The following KBTBD11 variants were observed in gnomAD, a reference collection of about 807,000 sequenced individuals.
The protein encoded by KBTBD11 is kelch repeat and BTB domain-containing protein 11.
For missense variants in KBTBD11, 1,390 were observed against 1,001.8 expected, an observed-to-expected ratio of 1.39 and a Z score of -5.23; for synonymous variants, 747 against 499.0, an observed-to-expected ratio of 1.50 and a Z score of -6.63.
At position 1,996,034 on chromosome 8, in the gene KBTBD11, C is replaced by CA. The variant is rs537158269; in HGVS notation, c.-908-4248dup. 2.7e-3 allele frequency among the ~76,000 whole-genome samples: 413 copies of CA among 152,254 alleles called. 3 individuals are homozygous for CA. The highest frequency in any genetic ancestry group is 9.4e-3 in the African/African-American group (391 of 41,532). On this transcript the variant is annotated intron_variant, in intron 1 of 1. Coordinates refer to ENST00000320248, the MANE Select transcript of KBTBD11 (RefSeq NM_014867.3). ...GCAAGACCCTGTCTCAAAAAACAAA[C>CA]AAACAAAAATCCTGAGATTCCCTAC...
rs1028995095 is a variant in KBTBD11, at chr8:1,994,090, C to T, written c.-908-6195C>T. Among the ~76,000 whole-genome samples, 6 of 152,086 alleles carry T rather than the reference C, an allele frequency of 3.9e-5. No individual in the cohort carries two copies. The South Asian group carries it at 1.2e-3, about 31-fold the overall frequency. Reference sequence around the variant, plus strand: ...GCTCAATACTTCGTTTACCGGCCTACGGAGCTTAGACTTCAAGAATATCTA... The same window carrying T: ...GCTCAATACTTCGTTTACCGGCCTATGGAGCTTAGACTTCAAGAATATCTA... On this transcript the variant is annotated intron_variant, in intron 1 of 1. Transcript: ENST00000320248.
chr8:1,988,341 C>G (rs1345882385), intron 1 of KBTBD11, among the ~76,000 whole-genome samples: 2 of 152,208 alleles, frequency 1.3e-5, no homozygotes, highest in Non-Finnish European at 2.9e-5. Flanking sequence ...AGTTTACACT[C>G]CCACCAACAG....
intron 1 of KBTBD11, among the ~76,000 whole-genome samples, chr8:1,986,603 T>C (rs1046053249): frequency 2.6e-5 from 4 of 152,304 alleles, no homozygotes; most frequent in Admixed American, 6.5e-5. Flanking sequence ...GTAACTAAGT[T>C]ACTCAGCAGC....
At chr8:1,998,529 C>T (rs1817226123) in intron 1 of KBTBD11, among the ~76,000 whole-genome samples, 1 of 152,184 alleles carries the variant, frequency 6.6e-6, no homozygotes, top group Non-Finnish European at 1.5e-5. Flanking sequence ...AAAGATGACT[C>T]TCGGGATGGA....
chr8:1,974,066 A>C lies in KBTBD11; in HGVS notation c.-909+131A>C, dbSNP rs1330889460. 2.4e-4 allele frequency: 134 copies of C among 562,056 alleles called. 1 individual carries two copies. In the South Asian group the frequency reaches 2.6e-3, roughly 11 times the overall value. 34.8% of individuals were successfully genotyped at this position (562,056 alleles called of 1,614,324 possible). ...GCGGCAGTAGGCGGGAGGGGAGAAA[A>C]GGGGAGGCCGGCAGGGGAGAGGCGG... On this transcript the variant is annotated intron_variant, in intron 1 of 1. Transcript: ENST00000320248.
chr8:1,980,520 C>T (rs1816504995), intron 1 of KBTBD11, among the ~76,000 whole-genome samples: 1 of 152,208 alleles, frequency 6.6e-6, no homozygotes, highest in Non-Finnish European at 1.5e-5. Context: ...CCACCACACC[C>T]AGCCTTTAAT....
intron 1 of KBTBD11, among the ~76,000 whole-genome samples, chr8:1,986,927 C>T (rs1031571566): frequency 8.5e-5 from 12 of 141,638 alleles, no homozygotes; most frequent in African/African-American, 3.0e-4. Flanking sequence ...AATCTCAGCT[C>T]TTCAGGAGGC....
chr8:1,974,647 C>T, intron 1 of KBTBD11: 1 of 985,348 alleles, frequency 1.0e-6, no homozygotes, highest in Non-Finnish European at 1.2e-6. Flanking sequence ...TGCCGGGCGC[C>T]CCTTGCAGCC....
Position 2,001,059 on chromosome 8 carries a change from C to G in KBTBD11, c.-134C>G. ...CACACACACAACAACAAAGCGTGGA[C>G]ACACAGAAGTGAAATCTGATCGCGT... On this transcript the variant is annotated 5_prime_UTR_variant, in exon 2 of 2. Transcript: ENST00000320248. 8.6e-7 allele frequency: 1 copy of G among 1,165,480 alleles called. No homozygotes were observed. Among genetic ancestry groups the G allele is most frequent in the Non-Finnish European group, 1.1e-6 (1 of 919,104 alleles). 72.2% of individuals were successfully genotyped at this position (1,165,480 alleles called of 1,614,324 possible).
At chr8:1,981,692 G>T (rs1218538218) in intron 1 of KBTBD11, among the ~76,000 whole-genome samples, 2 of 152,180 alleles carry the variant, frequency 1.3e-5, no homozygotes, top group Non-Finnish European at 2.9e-5. Context: ...TTCTTTCTCT[G>T]CCTCTCCCAC....
chr8:1,994,901 A>T (rs887030673), intron 1 of KBTBD11, among the ~76,000 whole-genome samples: 1 of 152,136 alleles, frequency 6.6e-6, no homozygotes, highest in East Asian at 1.9e-4. Flanking sequence ...TCTACTAAAA[A>T]TACAAATACT....
intron 1 of KBTBD11, among the ~76,000 whole-genome samples, chr8:1,977,567 A>G (rs80159466): frequency 0.075 from 11,437 of 152,178 alleles, 1,452 homozygotes; most frequent in African/African-American, 0.26. Context: ...TCTGTCATCC[A>G]GGCTGGAATC....
chr8:2,002,896 G>A lies in KBTBD11; in HGVS notation c.1704G>A (p.Ala568=). The A allele has an allele frequency of 7.6e-7, 1 of 1,321,844 alleles. No individual in the cohort carries two copies. The highest frequency in any genetic ancestry group is 9.6e-7 in the Non-Finnish European group (1 of 1,039,990). 81.9% of individuals were successfully genotyped at this position (1,321,844 alleles called of 1,614,324 possible). A position where few individuals can be genotyped will look rare whatever the true frequency, so the allele number is the denominator to read the frequency against. Residue 568 remains alanine (A), a synonymous_variant, in exon 2 of 2, where the codon GCG becomes GCA. Transcript: ENST00000320248. This position sits in a 1 kb window ranked among gnomAD's most constrained non-coding sequence, Gnocchi z 4.1. ...GCGCCATCTACTGCGTGAGCCGCGC[G>A]GGCACCTGGCGCTTCCAGCCTGCCC... ...LDGAIYCVSR[A]GTWRFQPARE...
chr8:2,002,194 C>T lies in KBTBD11; in HGVS notation c.1002C>T (p.Ala334=), dbSNP rs1450942182. The T allele has an allele frequency of 2.4e-6, 3 of 1,252,010 alleles. No individual in the cohort carries two copies. Among genetic ancestry groups the T allele is most frequent in the Middle Eastern group, 3.1e-4 (1 of 3,184 alleles). The allele number at this position is 1,252,010 out of a possible 1,614,324, so 77.6% of individuals were successfully genotyped here. A position where few individuals can be genotyped will look rare whatever the true frequency, so the allele number is the denominator to read the frequency against. Residue 334 remains alanine, a synonymous_variant, in exon 2 of 2, where the codon GCC becomes GCT. Coordinates refer to ENST00000320248, the MANE Select transcript of KBTBD11 (RefSeq NM_014867.3). The surrounding 1 kb of genome is among the most constrained non-coding windows in gnomAD (Gnocchi z 4.1). The part of the protein sequence containing the change: ...DAAVYCFHAA[A]GEWRELTRLP... ...CCGTCTACTGCTTCCACGCGGCGGC[C>T]GGAGAGTGGCGCGAGCTGACGCGGC...
chr8:1,999,442 C>G (rs1315711840), intron 1 of KBTBD11, among the ~76,000 whole-genome samples: 2 of 152,174 alleles, frequency 1.3e-5, no homozygotes, highest in Non-Finnish European at 2.9e-5. Context: ...CTTTAGAAGG[C>G]CAGAATGAAG....
rs1310679504 is a variant in KBTBD11, at chr8:2,004,974, T to A, written c.*1910T>A. The A allele has an allele frequency of 6.0e-6, 1 of 167,120 alleles. No homozygotes were observed. The highest frequency in any genetic ancestry group is 6.5e-5 in the Admixed American group (1 of 15,284). 10.4% of individuals were successfully genotyped at this position (167,120 alleles called of 1,614,324 possible). ...TATTTTCAGTCCTTAAATATCAAAC[T>A]CATATGCTGTTATCACTGTGATTTT... On this transcript the variant is annotated 3_prime_UTR_variant, in exon 2 of 2. Transcript: ENST00000320248.
At chr8:1,992,302 C>T (rs1335889030) in intron 1 of KBTBD11, among the ~76,000 whole-genome samples, 2 of 152,118 alleles carry the variant, frequency 1.3e-5, no homozygotes, top group South Asian at 4.1e-4. Context: ...GTCACCTGCA[C>T]AGTTCCTGCA....
chr8:2,001,315 G>A lies in KBTBD11; in HGVS notation c.123G>A (p.Leu41=), dbSNP rs375293379. Residue 41 remains leucine (L), a synonymous_variant, in exon 2 of 2, where the codon CTG becomes CTA. Transcript: ENST00000320248. Reference sequence around the variant, plus strand: ...CACCCTGCAGTCTCGGCGCGTCCCTGTGCTTCAGCTCCGGGGAAGAGTCCC... The same window carrying A: ...CACCCTGCAGTCTCGGCGCGTCCCTATGCTTCAGCTCCGGGGAAGAGTCCC... ...AQTPCSLGAS[L]CFSSGEESPP... 8.5e-5 allele frequency: 129 copies of A among 1,523,254 alleles called. No individual in the cohort carries two copies. In the African/African-American group the frequency reaches 1.7e-3, roughly 20 times the overall value. The allele number at this position is 1,523,254 out of a possible 1,614,324, so 94.4% of individuals were successfully genotyped here. A position where few individuals can be genotyped will look rare whatever the true frequency, so the allele number is the denominator to read the frequency against.
chr8:1,988,479 C>G (rs1370712085), intron 1 of KBTBD11, among the ~76,000 whole-genome samples: 1 of 152,150 alleles, frequency 6.6e-6, no homozygotes, highest in Non-Finnish European at 1.5e-5. Flanking sequence ...TCTCTGATGG[C>G]CAGTGATGGT....
Sources: gnomAD v4.1 joint callset for allele counts (sites outside exome capture counted in the v4.1 genomes callset) on GRCh38, gnomAD v4.1.1 for gene constraint, Gnocchi (gnomAD v3.1) non-coding constraint, MANE v1.5 for transcripts, NCBI Gene and HGNC (gene_info 2026-07-23, HGNC 2026-07-21) for gene names.